Variants in KMT2C observed in about 807,000 individuals in gnomAD.
KMT2C encodes the protein lysine methyltransferase 2C, also known as histone-lysine N-methyltransferase 2C.
KMT2C carries 88 observed loss-of-function variants against 507.9 expected under a neutral mutation model. The observed-to-expected ratio is 0.17, with a 90% CI of 0.15 to 0.21. The LOEUF (loss-of-function observed/expected upper bound fraction) is 0.21, where lower values mean the gene tolerates loss of function less well. Ranked by LOEUF, KMT2C falls within the 10% of genes least tolerant of loss-of-function variation. The pLI is 1.00. For synonymous variants in KMT2C, 2,049 were observed against 2,080.8 expected (o/e 0.98, Z 0.42); for missense variants, 4,954 against 5,957.8 (o/e 0.83, Z 5.55).
intron 6 of KMT2C, among the ~76,000 whole-genome samples, chr7:152,306,691 G>T (rs2096617980): frequency 6.6e-6 from 1 of 152,172 alleles, no homozygotes; most frequent in Non-Finnish European, 1.5e-5. Context: ...CCCTCCAAAA[G>T]ATGTGTACCA....
At chr7:152,377,206 T>C (rs1419232501) in intron 1 of KMT2C, among the ~76,000 whole-genome samples, 3 of 152,308 alleles carry the variant, frequency 2.0e-5, no homozygotes, top group Non-Finnish European at 4.4e-5. Flanking sequence ...TGACAGCACA[T>C]CTGTTTAGAG....
intron 2 of KMT2C, among the ~76,000 whole-genome samples, chr7:152,331,815 A>T (rs1295081232): frequency 6.6e-6 from 1 of 151,374 alleles, no homozygotes; most frequent in African/African-American, 2.4e-5. Context: ...TGCCTGGCTA[A>T]TTTTTGTATT....
At chr7:152,373,668 G>A (rs1280402265) in intron 1 of KMT2C, among the ~76,000 whole-genome samples, 2 of 152,056 alleles carry the variant, frequency 1.3e-5, no homozygotes, top group African/African-American at 4.8e-5. Flanking sequence ...CAACTGAAAT[G>A]TTAAAAGAGT....
At chr7:152,310,630 T>C (rs1288469871) in intron 5 of KMT2C, among the ~76,000 whole-genome samples, 2 of 152,100 alleles carry the variant, frequency 1.3e-5, no homozygotes, top group African/African-American at 2.4e-5. Flanking sequence ...CAAAAACTCG[T>C]GCAGTGGGGC....
At position 152,153,991 on chromosome 7, in the gene KMT2C, A is replaced by G; in HGVS notation, c.12276+19T>C. The G allele has an allele frequency of 6.2e-7, 1 of 1,611,432 alleles. No individual in the cohort carries two copies. The highest frequency in any genetic ancestry group is 8.5e-7 in the Non-Finnish European group (1 of 1,178,646). Reference sequence around the variant, plus strand: ...TGGGGACATACTGTTTAACATTAAGAAGTCATTTAATCTTTTACCTCAGCA... The same window carrying G: ...TGGGGACATACTGTTTAACATTAAGGAGTCATTTAATCTTTTACCTCAGCA... On this transcript the variant is annotated intron_variant, in intron 48 of 58. Transcript: ENST00000262189.
At position 152,298,312 on chromosome 7, in the gene KMT2C, C is replaced by G. The variant is rs545876169; in HGVS notation, c.849+11654G>C. Among the ~76,000 whole-genome samples, 4 of 151,962 alleles carry G rather than the reference C, an allele frequency of 2.6e-5. No individual in the cohort carries two copies. The South Asian group carries it at 8.3e-4, about 32-fold the overall frequency. On this transcript the variant is annotated intron_variant, in intron 6 of 58. Coordinates refer to ENST00000262189, the MANE Select transcript of KMT2C (RefSeq NM_170606.3). ...CACGGATCCAAGAAACTCAGCAAAC[C>G]CCAAGCACAAGAAACATGAAGAAAA...
chr7:152,221,966 A>G lies in KMT2C; in HGVS notation c.3499+35T>C, dbSNP rs184966560. On this transcript the variant is annotated intron_variant, in intron 22 of 58. Transcript: ENST00000262189. ...ATTATGTAAAAATTAAGCAAAGTAAATTAATTAAATCAAGTAAAGCATTTC... is the reference window on the plus strand; with the variant it reads ...ATTATGTAAAAATTAAGCAAAGTAAGTTAATTAAATCAAGTAAAGCATTTC... 81 of 1,503,234 alleles carry G rather than the reference A, an allele frequency of 5.4e-5. No homozygotes were observed. In the Admixed American group the frequency reaches 1.5e-3, roughly 27 times the overall value. 93.1% of individuals were successfully genotyped at this position (1,503,234 alleles called of 1,614,324 possible).
chr7:152,361,406 C>CA (rs978295803), intron 1 of KMT2C, among the ~76,000 whole-genome samples: 4 of 151,630 alleles, frequency 2.6e-5, no homozygotes, highest in African/African-American at 9.7e-5. Flanking sequence ...TAAAAATATA[C>CA]AAAAAAATTA....
intron 2 of KMT2C, among the ~76,000 whole-genome samples, chr7:152,352,924 C>G (rs1248247140): frequency 6.6e-6 from 1 of 152,184 alleles, no homozygotes; most frequent in South Asian, 2.1e-4. Flanking sequence ...AACTTGAACA[C>G]TAGGAGAAAA....
intron 1 of KMT2C, among the ~76,000 whole-genome samples, chr7:152,394,834 C>A (rs1206683779): frequency 1.3e-5 from 2 of 152,166 alleles, no homozygotes; most frequent in Non-Finnish European, 2.9e-5. Context: ...CTATCGACAA[C>A]AAGCTGAGTA....
At chr7:152,289,864 T>C (rs896829677) in intron 6 of KMT2C, among the ~76,000 whole-genome samples, 3 of 152,052 alleles carry the variant, frequency 2.0e-5, no homozygotes, top group Non-Finnish European at 2.9e-5. Context: ...CTAGCCAACA[T>C]AGTGAAACCC....
intron 4 of KMT2C, among the ~76,000 whole-genome samples, chr7:152,312,862 C>T (rs564113871): frequency 2.1e-4 from 32 of 152,102 alleles, no homozygotes; most frequent in Non-Finnish European, 2.6e-4. Context: ...TGGATTAAAT[C>T]ACTATTGAAT....
intron 1 of KMT2C, among the ~76,000 whole-genome samples, chr7:152,402,624 C>T (rs71260328): frequency 9.7e-6 from 1 of 102,854 alleles, no homozygotes; most frequent in African/African-American, 3.6e-5. Flanking sequence ...AAAGCTTCTG[C>T]ATAGCAAAAG....
Position 152,181,597 on chromosome 7 carries a change from T to C in KMT2C, c.6263A>G (p.Asn2088Ser), listed in dbSNP as rs773701046. The C allele has an allele frequency of 1.9e-6, 3 of 1,613,896 alleles. No individual in the cohort carries two copies. The highest frequency in any genetic ancestry group is 1.7e-5 in the Admixed American group (1 of 59,998). The change falls in exon 36 of 59, where the codon AAT becomes AGT. Residue 2088 changes from asparagine (N) to serine (S), a missense_variant. Transcript: ENST00000262189. ...CTGACTATATGGATCATTTGACTGA[T>C]TATGAGAAAAATTATCTATAGGTCT... ...TPRPIDNFSH[N>S]QSNDPYSQPP...
chr7:152,260,702 G>A (rs971063808), intron 9 of KMT2C, among the ~76,000 whole-genome samples: 1 of 152,212 alleles, frequency 6.6e-6, no homozygotes, highest in African/African-American at 2.4e-5. Flanking sequence ...TAGCCTAAAG[G>A]GAACAGTCTC....
intron 1 of KMT2C, among the ~76,000 whole-genome samples, chr7:152,420,698 G>A (rs1009190170): frequency 4.6e-5 from 7 of 151,968 alleles, no homozygotes; most frequent in African/African-American, 1.2e-4. Context: ...AGCTGGGTGC[G>A]GTGGTGCACG....
intron 31 of KMT2C, among the ~76,000 whole-genome samples, chr7:152,188,982 G>C (rs149994604): frequency 1.3e-3 from 196 of 152,186 alleles, no homozygotes; most frequent in African/African-American, 4.6e-3. Context: ...CTAAAAATCA[G>C]ATGATTATTC....
chr7:152,370,778 G>A (rs1055798737), intron 1 of KMT2C, among the ~76,000 whole-genome samples: 2 of 152,162 alleles, frequency 1.3e-5, no homozygotes, highest in Non-Finnish European at 2.9e-5. Flanking sequence ...CGGTCCAGAG[G>A]CCAAATCCAG....
chr7:152,144,428 G>A lies in KMT2C; in HGVS notation c.14343+285C>T, dbSNP rs943517461. On this transcript the variant is annotated intron_variant, in intron 55 of 58. Coordinates refer to ENST00000262189, the MANE Select transcript of KMT2C (RefSeq NM_170606.3). The surrounding 1 kb of genome is among the most constrained non-coding windows in gnomAD (Gnocchi z 4.4). ...CTCTACTGAGCACTCCACAAATCCAGTGTGTGCAAATTACAATGCTACCTG... is the reference window on the plus strand; with the variant it reads ...CTCTACTGAGCACTCCACAAATCCAATGTGTGCAAATTACAATGCTACCTG... 6.6e-6 allele frequency among the ~76,000 whole-genome samples: 1 copy of A among 152,176 alleles called. No individual in the cohort carries two copies. Among genetic ancestry groups the A allele is most frequent in the East Asian group, 1.9e-4 (1 of 5,186 alleles).
Sources: gnomAD v4.1 joint callset for allele counts (sites outside exome capture counted in the v4.1 genomes callset) on GRCh38, gnomAD v4.1.1 for gene constraint, Gnocchi (gnomAD v3.1) non-coding constraint, MANE v1.5 for transcripts, NCBI Gene and HGNC (gene_info 2026-07-23, HGNC 2026-07-21) for gene names.